CACNA1C: variants seen among roughly 807,000 people sequenced by gnomAD.
CACNA1C encodes the protein voltage-dependent L-type calcium channel subunit alpha-1C.
In CACNA1C, 30 loss-of-function variants were observed where a neutral mutation model predicts 229.0. That is an observed-to-expected ratio of 0.13 (90% confidence interval 0.10 to 0.18). The LOEUF (loss-of-function observed/expected upper bound fraction) is 0.18. Ranked by LOEUF, CACNA1C falls within the 10% of genes least tolerant of loss-of-function variation. The pLI, the probability that CACNA1C is intolerant of heterozygous loss-of-function variation, is 1.00. For missense variants in CACNA1C, 1,658 were observed against 2,845.0 expected (o/e 0.58, Z 9.49); for synonymous variants, 1,114 against 1,132.5 (o/e 0.98, Z 0.33).
Position 2,597,662 on chromosome 12 carries a change from C to A in CACNA1C, c.2853+373C>A, listed in dbSNP as rs2069056571. Among the ~76,000 whole-genome samples, 1 of 152,142 alleles carries A rather than the reference C, an allele frequency of 6.6e-6. No homozygotes were observed. The highest frequency in any genetic ancestry group is 2.4e-5 in the African/African-American group (1 of 41,416). On this transcript the variant is annotated intron_variant, in intron 21 of 46. Transcript: ENST00000399655. This position sits in a 1 kb window ranked among gnomAD's most constrained non-coding sequence, Gnocchi z 4.3. ...CTCACTTTGTGTGATGCACTTTGCC[C>A]AGACTTAGAAGCCAGGAGCAGCCTA... is the stretch of plus-strand genomic sequence containing the variant.
intron 3 of CACNA1C, among the ~76,000 whole-genome samples, chr12:2,413,735 C>G (rs1395095135): frequency 6.6e-6 from 1 of 152,202 alleles, no homozygotes; most frequent in Non-Finnish European, 1.5e-5. Flanking sequence ...CCTTTCCCAC[C>G]TGCATCTTTG....
At chr12:2,638,641 G>A (rs776563920) in intron 30 of CACNA1C, among the ~76,000 whole-genome samples, 4 of 152,166 alleles carry the variant, frequency 2.6e-5, no homozygotes, top group African/African-American at 2.4e-5. Flanking sequence ...CAAAGTTGTG[G>A]CAGTAGAAGC....
chr12:2,090,431 C>T (rs768920030), intron 1 of CACNA1C, among the ~76,000 whole-genome samples: 4 of 147,218 alleles, frequency 2.7e-5, no homozygotes, highest in Non-Finnish European at 5.9e-5. Context: ...GATTCTCCTG[C>T]CTCAGCCTCC....
chr12:2,547,525 G>C (rs1298891156), intron 9 of CACNA1C: 2 of 779,590 alleles, frequency 2.6e-6, no homozygotes, highest in African/African-American at 3.4e-5. Context: ...GAAACCCATG[G>C]TAATGTTCCC....
intron 1 of CACNA1C, among the ~76,000 whole-genome samples, chr12:2,097,256 C>T (rs2074442737): frequency 6.6e-6 from 1 of 152,114 alleles, no homozygotes; most frequent in South Asian, 2.1e-4. Flanking sequence ...CACCATTCTC[C>T]TGCCTCAGCC....
intron 5 of CACNA1C, among the ~76,000 whole-genome samples, chr12:2,459,769 C>A (rs1420061829): frequency 2.0e-5 from 3 of 152,162 alleles, no homozygotes; most frequent in African/African-American, 7.2e-5. Context: ...GCCAGTGTGT[C>A]AGTGATAGCA....
rs528555734 is a variant in CACNA1C, at chr12:1,980,264, G to T, written c.139+9063G>T. Among the ~76,000 whole-genome samples the T allele has an allele frequency of 3.9e-5, 6 of 152,306 alleles. No homozygotes were observed. The South Asian group carries it at 1.2e-3, about 32-fold the overall frequency. ...ATAGACTGCAATATAATGATGCAGT[G>T]GAGTACTACACAGAATAAAAAGCAA... On this transcript the variant is annotated intron_variant, in intron 1 of 46. Coordinates refer to the CACNA1C transcript ENST00000682462.
Position 2,119,951 on chromosome 12 carries a change from G to A in CACNA1C, c.372-374G>A, listed in dbSNP as rs114411392. On this transcript the variant is annotated intron_variant, in intron 2 of 46. Coordinates refer to ENST00000399655, the MANE Select transcript of CACNA1C (RefSeq NM_000719.7). ...GTGGGCGTGGGCCCACAGGCCGTTC[G>A]GCATAAACTGTGAAGAAACGGGGTG... 9.6e-3 allele frequency among the ~76,000 whole-genome samples: 1,470 copies of A among 152,368 alleles called. 20 individuals are homozygous for A. The highest frequency in any genetic ancestry group is 0.033 in the African/African-American group (1,368 of 41,596).
chr12:2,352,464 C>T (rs2097230316), intron 3 of CACNA1C, among the ~76,000 whole-genome samples: 2 of 152,224 alleles, frequency 1.3e-5, no homozygotes, highest in African/African-American at 4.8e-5. Flanking sequence ...TGAAGACCTT[C>T]ACAAGACATG....
chr12:2,540,933 G>C (rs901697116), intron 9 of CACNA1C, among the ~76,000 whole-genome samples: 15 of 152,214 alleles, frequency 9.9e-5, no homozygotes, highest in Admixed American at 5.9e-4. Context: ...GGAAGTCTGA[G>C]ATCAAGGTGC....
intron 3 of CACNA1C, among the ~76,000 whole-genome samples, chr12:2,320,499 A>G (rs1296526497): frequency 6.6e-6 from 1 of 152,234 alleles, no homozygotes; most frequent in Non-Finnish European, 1.5e-5. Context: ...AGCAGAATGT[A>G]CACGTGATTA....
At chr12:2,264,805 C>A (rs2081699214) in intron 3 of CACNA1C, among the ~76,000 whole-genome samples, 1 of 152,180 alleles carries the variant, frequency 6.6e-6, no homozygotes, top group African/African-American at 2.4e-5. Flanking sequence ...TTTGGCTTTG[C>A]TATTCCCCAT....
rs141690308 is a variant in CACNA1C at position 1,973,067 on chromosome 12, T to C, written c.139+1866T>C. 7.6e-3 allele frequency among the ~76,000 whole-genome samples: 1,156 copies of C among 152,346 alleles called. 11 individuals carry two copies. Among genetic ancestry groups the C allele is most frequent in the African/African-American group, 0.026 (1,094 of 41,578 alleles). On this transcript the variant is annotated intron_variant, in intron 1 of 46. Coordinates refer to the CACNA1C transcript ENST00000682462. ...TGCTTTCCTCCGGCATGTTCTCTAA[T>C]GCCTTTAAAGTAATGTTCTTCCATT...
upstream of CACNA1C, among the ~76,000 whole-genome samples, chr12:2,048,091 C>G (rs1049858240): frequency 1.3e-5 from 2 of 152,178 alleles, 1 homozygote; most frequent in Admixed American, 1.3e-4. Context: ...CAGGGTGAGC[C>G]AGCAATTCGG....
At chr12:2,526,096 A>G (rs1459559251) in intron 9 of CACNA1C, among the ~76,000 whole-genome samples, 3 of 152,136 alleles carry the variant, frequency 2.0e-5, no homozygotes, top group Admixed American at 6.5e-5. Flanking sequence ...TGGCTCATTT[A>G]TGTCTTACTT....
intron 3 of CACNA1C, among the ~76,000 whole-genome samples, chr12:2,390,993 T>C (rs1275196995): frequency 6.6e-6 from 1 of 152,122 alleles, no homozygotes; most frequent in African/African-American, 2.4e-5. Context: ...GGTGTGTTGC[T>C]TCTGAACCAA....
chr12:2,550,534 A>T, intron 10 of CACNA1C: 1 of 1,350,504 alleles, frequency 7.4e-7, no homozygotes, highest in South Asian at 1.1e-5. Context: ...AAGCTCTCTC[A>T]TCCTGCCAGT....
At chr12:2,118,170 G>C (rs1052653418) in intron 2 of CACNA1C, among the ~76,000 whole-genome samples, 2 of 152,208 alleles carry the variant, frequency 1.3e-5, no homozygotes, top group African/African-American at 4.8e-5. Flanking sequence ...CTGAATGAGG[G>C]GAGGGGAACT....
chr12:2,045,809 G>A (rs899552772), intron 1 of CACNA1C, among the ~76,000 whole-genome samples: 1 of 152,004 alleles, frequency 6.6e-6, no homozygotes, highest in Non-Finnish European at 1.5e-5. Flanking sequence ...AATCCCCAGA[G>A]AGTGTCAGTG....
Sources: gnomAD v4.1 joint callset for allele counts (sites outside exome capture counted in the v4.1 genomes callset) on GRCh38, gnomAD v4.1.1 for gene constraint, Gnocchi (gnomAD v3.1) non-coding constraint, MANE v1.5 for transcripts, NCBI Gene and HGNC (gene_info 2026-07-23, HGNC 2026-07-21) for gene names.